The following TMEM117 variants were observed in gnomAD, a reference collection of about 807,000 sequenced individuals.
TMEM117 encodes transmembrane protein 117.
Under a neutral mutation model 52.4 loss-of-function variants are expected in TMEM117, and 27 were observed. The observed-to-expected ratio is 0.51, with a 90% CI of 0.38 to 0.71. The LOEUF (loss-of-function observed/expected upper bound fraction) is 0.71. Ranked by LOEUF, TMEM117 falls within the 30% of genes least tolerant of loss-of-function variation. The pLI, the probability that TMEM117 is intolerant of heterozygous loss-of-function variation, is 0.00. For missense variants in TMEM117, 556 were observed against 630.5 expected (o/e 0.88, Z 1.26); for synonymous variants, 215 against 206.3 (o/e 1.04, Z -0.36).
At chr12:44,094,309 T>C (rs1242974240) in intron 3 of TMEM117, among the ~76,000 whole-genome samples, 2 of 152,060 alleles carry the variant, frequency 1.3e-5, no homozygotes, top group Non-Finnish European at 1.5e-5. Context: ...ACTTAAAAAA[T>C]GTGCACTTTG....
chr12:44,384,360 A>G (rs1382154594), intron 7 of TMEM117, among the ~76,000 whole-genome samples: 3 of 152,134 alleles, frequency 2.0e-5, no homozygotes, highest in African/African-American at 7.2e-5. Context: ...AGGGAGAAGA[A>G]GGGAAATGTG....
At chr12:43,829,840 A>G in the TMEM117 span, among the ~76,000 whole-genome samples, 2 of 152,186 alleles carry the variant, frequency 1.3e-5, no homozygotes, top group Non-Finnish European at 2.9e-5. Flanking sequence ...CTGTAATCCC[A>G]GCACTTTGGG....
At chr12:43,983,816 C>T (rs1355058085) in intron 3 of TMEM117, among the ~76,000 whole-genome samples, 1 of 151,570 alleles carries the variant, frequency 6.6e-6, no homozygotes, top group Non-Finnish European at 1.5e-5. Context: ...ACAGTTAGCA[C>T]TTTACACTCC....
the TMEM117 span, among the ~76,000 whole-genome samples, chr12:43,821,115 A>G: frequency 3.4e-3 from 428 of 125,570 alleles, 2 homozygotes; most frequent in Non-Finnish European, 5.6e-3. Context: ...AAAAAAAAAG[A>G]AAAAAAAAGC....
At chr12:44,310,079 A>G (rs1178812473) in intron 6 of TMEM117, among the ~76,000 whole-genome samples, 1 of 152,092 alleles carries the variant, frequency 6.6e-6, no homozygotes, top group Non-Finnish European at 1.5e-5. Flanking sequence ...TTTTTTTGTG[A>G]TGGTCAATTT....
intron 6 of TMEM117, among the ~76,000 whole-genome samples, chr12:44,363,932 CCTT>C (rs1261863201): frequency 6.6e-6 from 1 of 152,068 alleles, no homozygotes; most frequent in African/African-American, 2.4e-5. Context: ...TAATTTGGAA[CCTT>C]CTTCAGAGAA....
chr12:43,994,212 A>G (rs1367753271), intron 3 of TMEM117, among the ~76,000 whole-genome samples: 3 of 152,134 alleles, frequency 2.0e-5, no homozygotes, highest in Non-Finnish European at 4.4e-5. Flanking sequence ...AAAAGTTTCC[A>G]TGCTCTTTCC....
chr12:43,951,425 G>A lies in TMEM117; in HGVS notation c.410+7083G>A, dbSNP rs941574049. Reference sequence around the variant, plus strand: ...TCCCCATTACCAGCACAGCAGTCTCGAATCTGCCTGGGATGATCAAGTTGC... The same window carrying A: ...TCCCCATTACCAGCACAGCAGTCTCAAATCTGCCTGGGATGATCAAGTTGC... On this transcript the variant is annotated intron_variant, in intron 3 of 7. Transcript: ENST00000266534. Among the ~76,000 whole-genome samples the A allele has an allele frequency of 5.9e-5, 9 of 152,286 alleles. No individual in the cohort carries two copies. The South Asian group carries it at 1.0e-3, about 18-fold the overall frequency.
intron 3 of TMEM117, among the ~76,000 whole-genome samples, chr12:44,055,196 C>T (rs995488316): frequency 2.6e-5 from 4 of 152,026 alleles, no homozygotes; most frequent in African/African-American, 7.2e-5. Context: ...GTATAATTAG[C>T]AGGAAGCTCC....
chr12:44,371,156 A>G (rs1159245394), intron 6 of TMEM117, among the ~76,000 whole-genome samples: 1 of 152,318 alleles, frequency 6.6e-6, no homozygotes, highest in Admixed American at 6.5e-5. Context: ...GCTCACTGTC[A>G]TCTGAAATTC....
chr12:43,807,469 G>A, the TMEM117 span, among the ~76,000 whole-genome samples: 1 of 152,170 alleles, frequency 6.6e-6, no homozygotes, highest in African/African-American at 2.4e-5. Flanking sequence ...AAGAAATGTA[G>A]GGAGGAGTTT....
chr12:44,293,579 T>C (rs1358833270), intron 5 of TMEM117, among the ~76,000 whole-genome samples: 3 of 152,086 alleles, frequency 2.0e-5, no homozygotes, highest in Non-Finnish European at 4.4e-5. Flanking sequence ...CTTTTGTGTG[T>C]CTACTAGAGG....
intron 3 of TMEM117, among the ~76,000 whole-genome samples, chr12:44,056,748 ATC>A (rs372268085): frequency 1.1e-4 from 17 of 150,658 alleles, no homozygotes; most frequent in Admixed American, 1.3e-4. Context: ...TAGTGTGTGT[ATC>A]TCTCTCTCTC....
chr12:44,308,236 A>T (rs996802384), intron 6 of TMEM117, among the ~76,000 whole-genome samples: 1 of 152,224 alleles, frequency 6.6e-6, no homozygotes. Context: ...ACTACTGCAG[A>T]TGGGCAGGAA....
At chr12:44,354,774 T>C (rs1951621149) in intron 6 of TMEM117, among the ~76,000 whole-genome samples, 1 of 151,748 alleles carries the variant, frequency 6.6e-6, no homozygotes, top group Non-Finnish European at 1.5e-5. Context: ...AGGGATGTCC[T>C]CTCTCACCAC....
chr12:43,987,837 A>G (rs2137740078), intron 3 of TMEM117, among the ~76,000 whole-genome samples: 1 of 152,244 alleles, frequency 6.6e-6, no homozygotes, highest in African/African-American at 2.4e-5. Flanking sequence ...TCTGCAAGTT[A>G]TAAGTCTTTC....
intron 3 of TMEM117, among the ~76,000 whole-genome samples, chr12:43,973,561 G>C (rs1204679082): frequency 6.6e-6 from 1 of 152,160 alleles, no homozygotes; most frequent in African/African-American, 2.4e-5. Context: ...ACTTAACTGC[G>C]AGTGTACAAG....
chr12:44,278,183 C>T (rs1950538379), intron 5 of TMEM117, among the ~76,000 whole-genome samples: 1 of 152,112 alleles, frequency 6.6e-6, no homozygotes, highest in Non-Finnish European at 1.5e-5. Context: ...AATCCCTTTG[C>T]CATGTAAGGT....
At chr12:44,103,566 C>T (rs1463987410) in intron 3 of TMEM117, among the ~76,000 whole-genome samples, 1 of 151,942 alleles carries the variant, frequency 6.6e-6, no homozygotes, top group Non-Finnish European at 1.5e-5. Flanking sequence ...TCCTCTATTA[C>T]TTTTTTTCAG....
Sources: gnomAD v4.1 joint callset for allele counts (sites outside exome capture counted in the v4.1 genomes callset) on GRCh38, gnomAD v4.1.1 for gene constraint, MANE v1.5 for transcripts, NCBI Gene and HGNC (gene_info 2026-07-23, HGNC 2026-07-21) for gene names.